KHDC1: variants seen among roughly 807,000 people sequenced by gnomAD.
The protein encoded by KHDC1 is KH domain containing 1.
A neutral mutation model predicts 24.7 loss-of-function variants in KHDC1; 21 were observed. The observed-to-expected ratio is 0.85, with a 90% CI of 0.60 to 1.23. KHDC1 has a LOEUF of 1.23. Ranked by LOEUF, KHDC1 falls within the 50% of genes most tolerant of loss-of-function variation. The pLI, the probability that KHDC1 is intolerant of heterozygous loss-of-function variation, is 0.00. For synonymous variants in KHDC1, 98 were observed against 111.7 expected (o/e 0.88, Z 0.77); for missense variants, 274 against 298.5 (o/e 0.92, Z 0.61).
In KHDC1 at chr6:73,296,162, C is replaced by T. The variant is rs1767755680; in HGVS notation, c.164-4122G>A. On this transcript the variant is annotated intron_variant, in intron 1 of 4. Transcript: ENST00000370384. ...ATTTCAAAAAACTAAAAAGAAAACACACACACACACGGCCAGGTGCGGTGG... is the reference window on the plus strand; with the variant it reads ...ATTTCAAAAAACTAAAAAGAAAACATACACACACACGGCCAGGTGCGGTGG... 2.7e-5 allele frequency among the ~76,000 whole-genome samples: 4 copies of T among 147,398 alleles called. No homozygotes were observed. In the South Asian group the frequency reaches 8.8e-4, roughly 32 times the overall value.
At chr6:73,266,068 A>G (rs1767075124) in intron 2 of KHDC1, among the ~76,000 whole-genome samples, 1 of 152,168 alleles carries the variant, frequency 6.6e-6, no homozygotes, top group South Asian at 2.1e-4. Context: ...GTTAAGATCA[A>G]GGTTTATCTT....
intron 1 of KHDC1, among the ~76,000 whole-genome samples, chr6:73,293,488 G>T (rs1767697915): frequency 1.3e-5 from 2 of 152,180 alleles, no homozygotes; most frequent in South Asian, 4.2e-4. Flanking sequence ...GTTGTAAGAA[G>T]TTACAAAGAG....
intron 1 of KHDC1, chr6:73,293,398 G>GA: frequency 2.7e-6 from 1 of 370,434 alleles, no homozygotes; most frequent in Non-Finnish European, 5.1e-6. Flanking sequence ...TGAAGAATTG[G>GA]AATAAAATTG....
At chr6:73,256,424 G>C (rs1268836197) in intron 2 of KHDC1, among the ~76,000 whole-genome samples, 2 of 152,172 alleles carry the variant, frequency 1.3e-5, no homozygotes, top group African/African-American at 2.4e-5. Flanking sequence ...TGAACAATCT[G>C]AACTCTTTCA....
chr6:73,309,462 T>C, intron 1 of KHDC1: 2 of 1,308,130 alleles, frequency 1.5e-6, no homozygotes, highest in Non-Finnish European at 2.1e-6. Context: ...GGAGCTGGAG[T>C]GATCCTGAAA....
intron 2 of KHDC1, among the ~76,000 whole-genome samples, chr6:73,245,018 C>G (rs946498689): frequency 2.6e-5 from 4 of 152,158 alleles, no homozygotes; most frequent in Admixed American, 2.0e-4. Context: ...CACGGAAATT[C>G]TGTACTACAG....
intron 2 of KHDC1, among the ~76,000 whole-genome samples, chr6:73,263,807 G>A (rs1767031801): frequency 6.6e-6 from 1 of 152,180 alleles, no homozygotes; most frequent in African/African-American, 2.4e-5. Flanking sequence ...GTTCGTTTAT[G>A]GCCTCAAACA....
chr6:73,279,316 G>A (rs1361736153), intron 2 of KHDC1, among the ~76,000 whole-genome samples: 1 of 152,108 alleles, frequency 6.6e-6, no homozygotes, highest in Non-Finnish European at 1.5e-5. Flanking sequence ...CCTGAGGCAG[G>A]AGAATTGCTT....
At chr6:73,285,647 TTC>T (rs1356788463) in intron 2 of KHDC1, among the ~76,000 whole-genome samples, 2,646 of 142,560 alleles carry the variant, frequency 0.019, 30 homozygotes, top group East Asian at 0.098. Flanking sequence ...TTTCTTTTTT[TTC>T]TTTTTTTTTT....
intron 2 of KHDC1, 66 bp from the exon 1 acceptor site, chr6:73,263,262 T>A (rs1456501167): frequency 1.0e-6 from 1 of 985,724 alleles, no homozygotes; most frequent in Non-Finnish European, 1.2e-6. Flanking sequence ...TCCTCCCGCC[T>A]GCTCTGTGTA....
At chr6:73,250,871 G>A (rs867652916) in intron 2 of KHDC1, among the ~76,000 whole-genome samples, 13 of 152,042 alleles carry the variant, frequency 8.6e-5, no homozygotes, top group Non-Finnish European at 1.6e-4. Context: ...ATCGAGTCTC[G>A]CTCTGTTGCC....
rs150198526 is a variant in KHDC1, at chr6:73,279,496, G to A, written c.206+12502C>T. Among the ~76,000 whole-genome samples the A allele has an allele frequency of 3.3e-3, 494 of 151,528 alleles. 4 individuals carry two copies. Among genetic ancestry groups the A allele is most frequent in the African/African-American group, 0.01 (419 of 41,266 alleles). On this transcript the variant is annotated intron_variant, in intron 2 of 4. Transcript: ENST00000370384. Reference sequence around the variant, plus strand: ...CTCTACAGTATCAAGAAAAGTCTGCGAAAATTGCATATTAATAATTGGGAA... The same window carrying A: ...CTCTACAGTATCAAGAAAAGTCTGCAAAAATTGCATATTAATAATTGGGAA...
intron 2 of KHDC1, among the ~76,000 whole-genome samples, chr6:73,244,392 C>A (rs1582549091): frequency 1.3e-5 from 2 of 152,188 alleles, no homozygotes; most frequent in Admixed American, 6.5e-5. Context: ...AGGAGAGATT[C>A]ATACATTAAT....
chr6:73,307,718 T>C (rs1288786616), intron 1 of KHDC1, among the ~76,000 whole-genome samples: 1 of 152,130 alleles, frequency 6.6e-6, no homozygotes, highest in Non-Finnish European at 1.5e-5. Flanking sequence ...GCCTGGCTCG[T>C]GCTCTGGCTA....
rs1018621559 is a variant in KHDC1, at chr6:73,266,211, T to C, written c.207-23681A>G. ...GTATAGTACCTTTTGGCCTGACTTA[T>C]ATAACAAACTCTGCAATATGTTAAA... is the stretch of plus-strand genomic sequence containing the variant. On this transcript the variant is annotated intron_variant, in intron 2 of 4. Coordinates refer to ENST00000370384, the Ensembl canonical transcript of KHDC1. 5.3e-5 allele frequency among the ~76,000 whole-genome samples: 8 copies of C among 152,332 alleles called. No homozygotes were observed. In the South Asian group the frequency reaches 1.2e-3, roughly 24 times the overall value.
chr6:73,263,198 G>C lies in KHDC1; in HGVS notation c.207-20668C>G. On this transcript the variant is annotated intron_variant, in intron 2 of 4. Coordinates refer to ENST00000370384, the Ensembl canonical transcript of KHDC1. ...CGCGAGGCGCGCTCGAGCGGAAGTG[G>C]CGGCGACCCCGCCGGAAGCGCGCGG... 1.0e-6 allele frequency: 1 copy of C among 987,352 alleles called. No homozygotes were observed. Among genetic ancestry groups the C allele is most frequent in the East Asian group, 1.1e-4 (1 of 8,844 alleles). The allele number at this position is 987,352 out of a possible 1,614,324, so 61.2% of individuals were successfully genotyped here.
intron 2 of KHDC1, among the ~76,000 whole-genome samples, chr6:73,278,007 G>GTGTTT (rs1301445011): frequency 7.7e-6 from 1 of 130,396 alleles, no homozygotes; most frequent in Non-Finnish European, 1.6e-5. Flanking sequence ...TCTCTCTCGG[G>GTGTTT]TGTTTTTTTT....
chr6:73,300,622 G>T (rs1767856475), intron 1 of KHDC1: 1 of 152,068 alleles, frequency 6.6e-6, no homozygotes, highest in African/African-American at 2.4e-5. Context: ...CATACAATGT[G>T]CTCCATAAAT....
In KHDC1 at chr6:73,290,571, A is replaced by G. The variant is rs73462526; in HGVS notation, c.206+1427T>C. The G allele has an allele frequency of 1.3e-3, 635 of 506,202 alleles. 3 individuals are homozygous for G. The highest frequency in any genetic ancestry group is 0.011 in the African/African-American group (553 of 51,688). 31.4% of individuals were successfully genotyped at this position (506,202 alleles called of 1,614,324 possible). A position where few individuals can be genotyped will look rare whatever the true frequency, so the allele number is the denominator to read the frequency against. Reference sequence around the variant, plus strand: ...AAATATATCATAAATCTGAAGAGGAACTGGGAGAAGCTTCTGCTGGCAGCT... The same window carrying G: ...AAATATATCATAAATCTGAAGAGGAGCTGGGAGAAGCTTCTGCTGGCAGCT... On this transcript the variant is annotated intron_variant, in intron 2 of 4. Coordinates refer to ENST00000370384, the Ensembl canonical transcript of KHDC1.
Sources: allele counts gnomAD v4.1 joint callset (sites outside exome capture counted in the v4.1 genomes callset), GRCh38; gene constraint gnomAD v4.1.1; transcripts MANE v1.5; gene names NCBI Gene and HGNC (gene_info 2026-07-23, HGNC 2026-07-21).